ATXN2: variants seen among roughly 807,000 people sequenced by gnomAD.
ATXN2 encodes the protein ataxin 2, also known as ataxin-2.
In ATXN2, 37 loss-of-function variants were observed where a neutral mutation model predicts 138.6. The observed-to-expected ratio is 0.27, with a 90% CI of 0.21 to 0.35. The LOEUF (loss-of-function observed/expected upper bound fraction) is 0.35, where lower values mean the gene tolerates loss of function less well. Ranked by LOEUF, ATXN2 falls within the 10% of genes least tolerant of loss-of-function variation. The pLI, the probability that ATXN2 is intolerant of heterozygous loss-of-function variation, is 1.00. For missense variants in ATXN2, 1,216 were observed against 1,480.3 expected, an observed-to-expected ratio of 0.82 and a Z score of 2.93; for synonymous variants, 549 against 543.7, an observed-to-expected ratio of 1.01 and a Z score of -0.13.
intron 14 of ATXN2, among the ~76,000 whole-genome samples, chr12:111,501,919 T>C (rs971982715): frequency 6.6e-6 from 1 of 151,326 alleles, no homozygotes; most frequent in African/African-American, 2.4e-5. Context: ...CCAAACAGGG[T>C]CTGACTCCGT....
chr12:111,472,363 T>C (rs762932132), intron 18 of ATXN2, among the ~76,000 whole-genome samples: 4 of 152,056 alleles, frequency 2.6e-5, no homozygotes, highest in Non-Finnish European at 5.9e-5. Context: ...TTTTATCCAA[T>C]ACCTCAAAGG....
At position 111,453,992 on chromosome 12, in the gene ATXN2, AG is replaced by A; in HGVS notation, c.3271-148del. 4 of 758,092 alleles carry A rather than the reference AG, an allele frequency of 5.3e-6. No individual in the cohort carries two copies. Among genetic ancestry groups the A allele is most frequent in the Non-Finnish European group, 8.3e-6 (4 of 483,136 alleles). The allele number at this position is 758,092 out of a possible 1,614,324, so 47.0% of individuals were successfully genotyped here. ...GTTCTGTTCTCTGGGGACAATCTCT[AG>A]TAGATTATCTATTGACCTGAAGACG... On this transcript the variant is annotated intron_variant, in intron 23 of 24. Transcript: ENST00000673436. The surrounding 1 kb of genome is among the most constrained non-coding windows in gnomAD (Gnocchi z 5.4).
chr12:111,452,633 C>T lies in ATXN2; in HGVS notation c.*179G>A, dbSNP rs1874738316. 1.4e-6 allele frequency: 1 copy of T among 719,492 alleles called. No individual in the cohort carries two copies. 44.6% of individuals were successfully genotyped at this position (719,492 alleles called of 1,614,324 possible). Reference sequence around the variant, plus strand: ...GCCCCCAAGTTCCTAAATGCCTCTACTCGGTCCAAGTATCTTCCACTGCAA... The same window carrying T: ...GCCCCCAAGTTCCTAAATGCCTCTATTCGGTCCAAGTATCTTCCACTGCAA... On this transcript the variant is annotated 3_prime_UTR_variant, in exon 25 of 25. Transcript: ENST00000673436.
intron 18 of ATXN2, among the ~76,000 whole-genome samples, chr12:111,481,393 C>A (rs1433909528): frequency 6.6e-6 from 1 of 152,012 alleles, no homozygotes; most frequent in Non-Finnish European, 1.5e-5. Context: ...TGCAGTGAGC[C>A]GAGATTGTGC....
At chr12:111,512,797 T>C (rs1879618859) in intron 11 of ATXN2, 1 of 152,444 alleles carries the variant, frequency 6.6e-6, no homozygotes, top group African/African-American at 2.4e-5. Context: ...ATATTCCTTA[T>C]GCTAATCACA....
At chr12:111,462,903 T>C (rs1875686561) in intron 21 of ATXN2, among the ~76,000 whole-genome samples, 1 of 152,086 alleles carries the variant, frequency 6.6e-6, no homozygotes, top group South Asian at 2.1e-4. Flanking sequence ...TTAAAGAGCA[T>C]CTATTAAAGG....
At chr12:111,456,904 C>A (rs1212080869) in intron 22 of ATXN2, among the ~76,000 whole-genome samples, 1 of 152,070 alleles carries the variant, frequency 6.6e-6, no homozygotes, top group African/African-American at 2.4e-5. Context: ...CCCACCACCA[C>A]GCCCGGCTAA....
chr12:111,523,762 TG>T (rs1880322725), intron 6 of ATXN2, among the ~76,000 whole-genome samples: 3 of 138,910 alleles, frequency 2.2e-5, no homozygotes, highest in South Asian at 2.2e-4. Flanking sequence ...GAAATAATGC[TG>T]AAAAAAAAAA....
intron 1 of ATXN2, among the ~76,000 whole-genome samples, chr12:111,596,478 T>C (rs1884947616): frequency 6.6e-6 from 1 of 152,190 alleles, no homozygotes; most frequent in African/African-American, 2.4e-5. Flanking sequence ...TCAAACCGAA[T>C]GCTGCATTTT....
chr12:111,599,066 G>A lies in ATXN2; in HGVS notation c.-32C>T, dbSNP rs1178579048. ...GGGCCCATACACCGGCTCGCACGCC[G>A]GGCGGGGACAGCCGGGAGCCGGGCG... On this transcript the variant is annotated 5_prime_UTR_variant, in exon 1 of 25. Transcript: ENST00000673436. 9 of 1,432,720 alleles carry A rather than the reference G, an allele frequency of 6.3e-6. No homozygotes were observed. The highest frequency in any genetic ancestry group is 7.3e-6 in the Non-Finnish European group (8 of 1,092,640). 88.8% of individuals were successfully genotyped at this position (1,432,720 alleles called of 1,614,324 possible).
intron 5 of ATXN2, among the ~76,000 whole-genome samples, chr12:111,529,085 G>A (rs1880663156): frequency 6.6e-6 from 1 of 151,680 alleles, no homozygotes; most frequent in African/African-American, 2.4e-5. Context: ...CTCCCAAGTC[G>A]CTGAGATTAC....
chr12:111,562,492 G>A (rs1174602399), intron 1 of ATXN2, among the ~76,000 whole-genome samples: 1 of 151,960 alleles, frequency 6.6e-6, no homozygotes. Flanking sequence ...AGGCTGAGGT[G>A]GGTGGATCAC....
intron 18 of ATXN2, among the ~76,000 whole-genome samples, chr12:111,483,887 A>C (rs1338424946): frequency 6.6e-6 from 1 of 151,978 alleles, no homozygotes; most frequent in Non-Finnish European, 1.5e-5. Flanking sequence ...GTTTCAATTG[A>C]TCCTCCCACC....
chr12:111,529,413 T>TA (rs1486018337), intron 5 of ATXN2, among the ~76,000 whole-genome samples: 1 of 152,150 alleles, frequency 6.6e-6, no homozygotes, highest in Non-Finnish European at 1.5e-5. Flanking sequence ...AGGAAAAACA[T>TA]AAAAACCATC....
chr12:111,454,988 C>T (rs1264628345), intron 23 of ATXN2: 3 of 701,538 alleles, frequency 4.3e-6, no homozygotes, highest in Non-Finnish European at 7.8e-6. Flanking sequence ...ACCACAGAAC[C>T]TAAACTTTGC....
intron 1 of ATXN2, among the ~76,000 whole-genome samples, chr12:111,558,448 A>G (rs1366743561): frequency 1.3e-5 from 2 of 152,208 alleles, no homozygotes; most frequent in Non-Finnish European, 2.9e-5. Flanking sequence ...TATGCTTTTA[A>G]TAGTTGCCAA....
intron 20 of ATXN2, among the ~76,000 whole-genome samples, chr12:111,465,668 G>A (rs1875943543): frequency 6.6e-6 from 1 of 150,782 alleles, no homozygotes; most frequent in Non-Finnish European, 1.5e-5. Flanking sequence ...TACTCGGGAG[G>A]CTGAGGCAGA....
At chr12:111,530,056 C>T (rs763709033) in intron 5 of ATXN2, among the ~76,000 whole-genome samples, 18 of 152,188 alleles carry the variant, frequency 1.2e-4, no homozygotes, top group South Asian at 4.1e-4. Context: ...TGATCAATTC[C>T]TATTCCTGCG....
rs528373061 is a variant in ATXN2 at position 111,598,626 on chromosome 12, G to A, written c.251+158C>T. 251 of 942,752 alleles carry A rather than the reference G, an allele frequency of 2.7e-4. No individual in the cohort carries two copies. The highest frequency in any genetic ancestry group is 6.1e-4 in the Admixed American group (10 of 16,356). 58.4% of individuals were successfully genotyped at this position (942,752 alleles called of 1,614,324 possible). A position where few individuals can be genotyped will look rare whatever the true frequency, so the allele number is the denominator to read the frequency against. On this transcript the variant is annotated intron_variant, in intron 1 of 24. Coordinates refer to ENST00000673436, the MANE Select transcript of ATXN2 (RefSeq NM_001372574.1). The surrounding 1 kb of genome is among the most constrained non-coding windows in gnomAD (Gnocchi z 4.5). ...AGGACCCCGGCTGCGCCCACCGGCC[G>A]AGCCTCGGGGCTCAGGCCCGAGCGA...
Sources: gnomAD v4.1 joint callset for allele counts (sites outside exome capture counted in the v4.1 genomes callset) on GRCh38, gnomAD v4.1.1 for gene constraint, Gnocchi (gnomAD v3.1) non-coding constraint, MANE v1.5 for transcripts, NCBI Gene and HGNC (gene_info 2026-07-23, HGNC 2026-07-21) for gene names.